The following ALDH1L1 variants were observed in gnomAD, a reference collection of about 807,000 sequenced individuals.
ALDH1L1 encodes the protein aldehyde dehydrogenase 1 family member L1.
ALDH1L1 carries 68 observed loss-of-function variants against 101.1 expected under a neutral mutation model. The observed-to-expected ratio is 0.67, with a 90% CI of 0.55 to 0.82. The LOEUF is 0.82. ALDH1L1 is among the 40% of genes least tolerant of loss of function. ALDH1L1 has a pLI of 0.00. For synonymous variants in ALDH1L1, 486 were observed against 470.8 expected (o/e 1.03, Z -0.42); for missense variants, 1,087 against 1,172.7 (o/e 0.93, Z 1.07).
At chr3:126,139,765 T>C (rs1278391161) in intron 9 of ALDH1L1, among the ~76,000 whole-genome samples, 1 of 152,014 alleles carries the variant, frequency 6.6e-6, no homozygotes, top group Non-Finnish European at 1.5e-5. Flanking sequence ...GCAAGTAGAA[T>C]AACTGAAACA....
At chr3:126,177,148 G>A (rs774986540) in intron 1 of ALDH1L1, among the ~76,000 whole-genome samples, 8 of 152,176 alleles carry the variant, frequency 5.3e-5, no homozygotes, top group African/African-American at 1.9e-4. Context: ...AGGTTTGGTA[G>A]TTTTTTATAA....
At chr3:126,134,281 C>G (rs943337765) in intron 12 of ALDH1L1, among the ~76,000 whole-genome samples, 5 of 152,212 alleles carry the variant, frequency 3.3e-5, no homozygotes, top group South Asian at 2.1e-4. Flanking sequence ...AGGGTGCCCC[C>G]CTCACTGTCA....
intron 9 of ALDH1L1, among the ~76,000 whole-genome samples, chr3:126,145,626 G>A (rs1392002115): frequency 6.6e-6 from 1 of 152,214 alleles, no homozygotes; most frequent in African/African-American, 2.4e-5. Flanking sequence ...AAGTACTAGA[G>A]TGGCCAAGCT....
chr3:126,134,434 G>C (rs377220101), intron 12 of ALDH1L1, among the ~76,000 whole-genome samples: 2 of 152,212 alleles, frequency 1.3e-5, no homozygotes, highest in African/African-American at 4.8e-5. Context: ...GCCACCTGTC[G>C]TGCTTGTTTC....
chr3:126,135,218 G>T, intron 12 of ALDH1L1: 1 of 260,142 alleles, frequency 3.8e-6, no homozygotes. Flanking sequence ...GAAGTGCTTT[G>T]TCTGCCTGGG....
chr3:126,178,974 C>A (rs2081419841), intron 1 of ALDH1L1, among the ~76,000 whole-genome samples: 1 of 152,184 alleles, frequency 6.6e-6, no homozygotes, highest in African/African-American at 2.4e-5. Context: ...CGTTCCCCCC[C>A]TGCAGGGAGG....
In ALDH1L1 at chr3:126,158,477, G is replaced by A. The variant is rs777289095; in HGVS notation, c.290C>T (p.Ala97Val). 21 of 1,613,902 alleles carry A rather than the reference G, an allele frequency of 1.3e-5. No individual in the cohort carries two copies. The highest frequency in any genetic ancestry group is 2.2e-5 in the East Asian group (1 of 44,880). Reference protein sequence around the residue: ...SQFIPMEIISAPRHGSIIYHP... With the variant: ...SQFIPMEIISVPRHGSIIYHP... The stretch of plus-strand genomic sequence containing the variant: ...ATAGATGATGGAGCCATGCCGGGGG[G>A]CACTGATTATCTCCATGGGGATGAA... The change falls in exon 3 of 23, where the codon GCC (alanine) becomes GTC (valine). Residue 97 changes from alanine to valine, a missense_variant. Ala to Val is a moderately conservative substitution (Grantham distance 64, BLOSUM62 0). Around this residue, in one of 2 missense-constraint regions of ALDH1L1, gnomAD observed 645 missense variants for 637.0 expected, o/e 1.01. Transcript: ENST00000393434.
In ALDH1L1 at chr3:126,136,683, C is replaced by A. The variant is rs1053301530; in HGVS notation, c.1344+81G>T. On this transcript the variant is annotated intron_variant, in intron 11 of 22. Transcript: ENST00000393434. Reference sequence around the variant, plus strand: ...CAAGCAGAGACTCTCAGGGTCAGGACCCCCAGAGGCCAGTGGGGGCAGGGA... The same window carrying A: ...CAAGCAGAGACTCTCAGGGTCAGGAACCCCAGAGGCCAGTGGGGGCAGGGA... 2.3e-5 allele frequency: 35 copies of A among 1,535,220 alleles called. 1 individual carries two copies. In the South Asian group the frequency reaches 4.0e-4, roughly 18 times the overall value.
intron 1 of ALDH1L1, among the ~76,000 whole-genome samples, chr3:126,191,623 C>T (rs73202429): frequency 0.041 from 6,244 of 152,314 alleles, 195 homozygotes; most frequent in South Asian, 0.13. Flanking sequence ...AACCCAGGAT[C>T]TGCAGTATCC....
At chr3:126,151,322 A>C (rs971963612) in intron 7 of ALDH1L1, 2 of 152,254 alleles carry the variant, frequency 1.3e-5, no homozygotes, top group African/African-American at 2.4e-5. Context: ...GAGAGGCTGA[A>C]AAAGGGTCTG....
chr3:126,186,979 T>A (rs565044881), intron 1 of ALDH1L1, among the ~76,000 whole-genome samples: 223 of 152,266 alleles, frequency 1.5e-3, no homozygotes, highest in African/African-American at 4.3e-3. Flanking sequence ...AAAGTCACTG[T>A]GGAGCTCTGA....
At chr3:126,163,958 A>AC (rs891235508) in intron 1 of ALDH1L1, among the ~76,000 whole-genome samples, 3 of 152,020 alleles carry the variant, frequency 2.0e-5, no homozygotes, top group African/African-American at 7.2e-5. Flanking sequence ...ACATAGTGAG[A>AC]CCCCATCTCT....
chr3:126,150,381 T>C (rs1173544761), intron 8 of ALDH1L1, 25 bp downstream of exon 8: 2 of 1,548,848 alleles, frequency 1.3e-6, no homozygotes, highest in Non-Finnish European at 1.7e-6. Flanking sequence ...CCCAACTGGA[T>C]GGCAGCCCTG....
rs2080483048 is a variant in ALDH1L1, at chr3:126,137,892, G to T, written c.1145C>A (p.Ser382Tyr). 1.9e-6 allele frequency: 3 copies of T among 1,614,214 alleles called. No homozygotes were observed. The highest frequency in any genetic ancestry group is 2.5e-6 in the Non-Finnish European group (3 of 1,180,034). ...ELENEDVYMA[S>Y]TFGDFIQLLV... ...CAGCTGGATGAAGTCCCCAAAGGTG[G>T]ATGCCATGTACACATCTTCATTTTC... The change falls in exon 10 of 23, where the codon TCC (serine) becomes TAC (tyrosine). Residue 382 changes from serine (S) to tyrosine (Y), a missense_variant. Transcript: ENST00000393434.
chr3:126,178,574 A>C (rs779671133), intron 1 of ALDH1L1, among the ~76,000 whole-genome samples: 29 of 152,164 alleles, frequency 1.9e-4, no homozygotes, highest in Non-Finnish European at 3.8e-4. Context: ...TATAGTTCAC[A>C]TCTTACTCTA....
intron 1 of ALDH1L1, among the ~76,000 whole-genome samples, chr3:126,187,130 A>G (rs1210806494): frequency 6.6e-6 from 1 of 152,166 alleles, no homozygotes; most frequent in Non-Finnish European, 1.5e-5. Context: ...TCATGGTGGG[A>G]ACGGGGAAAG....
At chr3:126,191,602 G>A (rs544125072) in intron 1 of ALDH1L1, among the ~76,000 whole-genome samples, 84 of 152,300 alleles carry the variant, frequency 5.5e-4, no homozygotes, top group African/African-American at 2.0e-3. Context: ...GATGGTTAAG[G>A]AAAAGCTTGG....
At chr3:126,163,453 C>A (rs2081103293) in intron 1 of ALDH1L1, among the ~76,000 whole-genome samples, 1 of 152,128 alleles carries the variant, frequency 6.6e-6, no homozygotes, top group Non-Finnish European at 1.5e-5. Flanking sequence ...ATAGCACTTG[C>A]CAATATATCC....
At chr3:126,171,267 C>T (rs961474683) in intron 1 of ALDH1L1, among the ~76,000 whole-genome samples, 15 of 152,132 alleles carry the variant, frequency 9.9e-5, no homozygotes, top group Non-Finnish European at 1.3e-4. Context: ...CACTGCACTC[C>T]GGCCTAGCGA....
Sources: gnomAD v4.1 joint callset for allele counts (sites outside exome capture counted in the v4.1 genomes callset) on GRCh38, gnomAD v4.1.1 for gene constraint, gnomAD v4.1.1 regional missense constraint, MANE v1.5 for transcripts, NCBI Gene and HGNC (gene_info 2026-07-23, HGNC 2026-07-21) for gene names.